Variants in EDAR observed in about 807,000 individuals in gnomAD.
EDAR encodes ectodysplasin A receptor.
In EDAR, 38 loss-of-function variants were observed where a neutral mutation model predicts 51.3. That is an observed-to-expected ratio of 0.74 (90% CI 0.57 to 0.97). EDAR has a LOEUF of 0.97. EDAR is among the 50% of genes least tolerant of loss of function. EDAR has a pLI of 0.00. For missense variants in EDAR, 528 were observed against 595.0 expected, an observed-to-expected ratio of 0.89 and a Z score of 1.17; for synonymous variants, 227 against 242.1, an observed-to-expected ratio of 0.94 and a Z score of 0.58.
chr2:108,979,576 C>G (rs1446029284), intron 1 of EDAR, among the ~76,000 whole-genome samples: 1 of 151,982 alleles, frequency 6.6e-6, no homozygotes, highest in Non-Finnish European at 1.5e-5. Context: ...CAGGTGGCGG[C>G]TGGGGACTTG....
At chr2:108,968,262 T>A (rs1244167384) in intron 1 of EDAR, among the ~76,000 whole-genome samples, 1 of 152,208 alleles carries the variant, frequency 6.6e-6, no homozygotes, top group East Asian at 1.9e-4. Flanking sequence ...CCCCTAGATC[T>A]ACTAAATCAG....
intron 11 of EDAR, among the ~76,000 whole-genome samples, chr2:108,905,156 T>G (rs1019474302): frequency 6.6e-6 from 1 of 152,150 alleles, no homozygotes; most frequent in African/African-American, 2.4e-5. Context: ...GAGAGGGTGT[T>G]AAGACCTGCA....
intron 9 of EDAR, among the ~76,000 whole-genome samples, chr2:108,908,528 G>C (rs1426012350): frequency 2.0e-5 from 3 of 151,606 alleles, no homozygotes; most frequent in Non-Finnish European, 4.4e-5. Flanking sequence ...TCTTGACTAG[G>C]GGGGTGACCT....
At chr2:108,973,047 C>T (rs1054234684) in intron 1 of EDAR, among the ~76,000 whole-genome samples, 2 of 151,966 alleles carry the variant, frequency 1.3e-5, no homozygotes, top group South Asian at 2.1e-4. Context: ...ACTGCAGTGG[C>T]GCAATTTCAG....
At chr2:108,906,198 G>A (rs1015935059) in intron 11 of EDAR, 110 bp downstream of exon 11, 31 of 1,137,704 alleles carry the variant, frequency 2.7e-5, no homozygotes, top group Non-Finnish European at 3.7e-5. Context: ...TGCGGCAACT[G>A]GATGGGCGGC....
At chr2:108,930,845 A>G in intron 2 of EDAR, 119 bp downstream of exon 2, 1 of 1,123,458 alleles carries the variant, frequency 8.9e-7, no homozygotes, top group Non-Finnish European at 1.4e-6. Context: ...CCCTCAGAAG[A>G]ACCCTGTGGA....
At chr2:108,915,494 G>A (rs1260358824) in intron 5 of EDAR, among the ~76,000 whole-genome samples, 3 of 152,212 alleles carry the variant, frequency 2.0e-5, no homozygotes, top group Non-Finnish European at 4.4e-5. Context: ...ATGTTTCCTT[G>A]TGTTTCTGGA....
intron 9 of EDAR, 79 bp from the exon 10 acceptor site, chr2:108,908,098 T>C: frequency 6.8e-7 from 1 of 1,472,760 alleles, no homozygotes; most frequent in Non-Finnish European, 9.1e-7. Flanking sequence ...GGTGAACTTG[T>C]CCATTGCCCA....
At chr2:108,971,452 T>C (rs1349205828) in intron 1 of EDAR, among the ~76,000 whole-genome samples, 1 of 152,066 alleles carries the variant, frequency 6.6e-6, no homozygotes, top group Non-Finnish European at 1.5e-5. Context: ...GAAGGAGGAC[T>C]CTCAACCCTG....
At chr2:108,938,548 C>G (rs1026117483) in intron 1 of EDAR, among the ~76,000 whole-genome samples, 1 of 152,164 alleles carries the variant, frequency 6.6e-6, no homozygotes, top group Non-Finnish European at 1.5e-5. Flanking sequence ...CACTTATCCT[C>G]ATCCCAATGT....
At chr2:108,949,794 GGTAT>G (rs1284155004) in intron 1 of EDAR, among the ~76,000 whole-genome samples, 1 of 152,114 alleles carries the variant, frequency 6.6e-6, no homozygotes, top group East Asian at 1.9e-4. Flanking sequence ...AAGATGATGA[GGTAT>G]GTAGCCAATG....
At chr2:108,946,904 T>TC (rs1414345515) in intron 1 of EDAR, among the ~76,000 whole-genome samples, 2 of 151,874 alleles carry the variant, frequency 1.3e-5, no homozygotes, top group East Asian at 1.9e-4. Context: ...ATCTTTTTTT[T>TC]CACATTTCAA....
chr2:108,943,227 G>C (rs1179580142), intron 1 of EDAR, among the ~76,000 whole-genome samples: 1 of 152,190 alleles, frequency 6.6e-6, no homozygotes, highest in Non-Finnish European at 1.5e-5. Context: ...GCCTTGAGAA[G>C]GGCAAGCTCA....
chr2:108,941,576 G>A (rs1174430200), intron 1 of EDAR, among the ~76,000 whole-genome samples: 1 of 152,158 alleles, frequency 6.6e-6, no homozygotes, highest in Non-Finnish European at 1.5e-5. Flanking sequence ...CACCAGCTGG[G>A]GGCATGGCCA....
intron 1 of EDAR, among the ~76,000 whole-genome samples, chr2:108,975,451 G>A (rs1698305217): frequency 6.6e-6 from 1 of 152,182 alleles, no homozygotes; most frequent in Admixed American, 6.5e-5. Flanking sequence ...GCACATGAGA[G>A]CAAGACCTGC....
intron 5 of EDAR, among the ~76,000 whole-genome samples, chr2:108,914,542 C>CA (rs1696991975): frequency 6.6e-6 from 1 of 152,202 alleles, no homozygotes; most frequent in Non-Finnish European, 1.5e-5. Flanking sequence ...TGCTCTCAGT[C>CA]AAATCACTAA....
At chr2:108,908,139 T>C in intron 9 of EDAR, 120 bp from the exon 10 acceptor site, 1 of 1,176,280 alleles carries the variant, frequency 8.5e-7, no homozygotes, top group Non-Finnish European at 1.2e-6. Context: ...ATGACTTGTT[T>C]TTCAGGTGTT....
chr2:108,974,329 CAAAAAAAAAAAA>C (rs11346592), intron 1 of EDAR, among the ~76,000 whole-genome samples: 935 of 61,616 alleles, frequency 0.015, 28 homozygotes, highest in African/African-American at 0.059. Flanking sequence ...GGATCCGTCT[CAAAAAAAAAAAA>C]AAAAAAAAAA....
At chr2:108,924,257 T>C (rs1322314922) in intron 4 of EDAR, among the ~76,000 whole-genome samples, 1 of 152,226 alleles carries the variant, frequency 6.6e-6, no homozygotes, top group Non-Finnish European at 1.5e-5. Flanking sequence ...GGTCCTGCTC[T>C]CAGGGGTCTG....
Sources: allele counts gnomAD v4.1 joint callset (sites outside exome capture counted in the v4.1 genomes callset), GRCh38; gene constraint gnomAD v4.1.1; transcripts MANE v1.5; gene names NCBI Gene and HGNC (gene_info 2026-07-23, HGNC 2026-07-21).